USH2A: variants seen among roughly 807,000 people sequenced by gnomAD.
The protein encoded by USH2A is Usher syndrome 2A (autosomal recessive, mild).
In USH2A, 443 loss-of-function variants were observed where a neutral mutation model predicts 538.9. The ratio of observed to expected loss-of-function variants is 0.82; its 90% confidence interval spans 0.76 to 0.89. The LOEUF is 0.89. Among genes scored for constraint, USH2A ranks in the 40% least tolerant of loss-of-function variants. The probability of loss-of-function intolerance (pLI) is 0.00; values close to 1 mark genes in which losing one functional copy is unlikely to be tolerated. For missense variants in USH2A, 6,633 were observed against 6,324.8 expected (o/e 1.05, Z -1.65); for synonymous variants, 2,413 against 2,273.5 (o/e 1.06, Z -1.75).
At chr1:216,346,837 A>C (rs967260300) in intron 4 of USH2A, among the ~76,000 whole-genome samples, 2 of 151,916 alleles carry the variant, frequency 1.3e-5, no homozygotes, top group South Asian at 2.1e-4. Flanking sequence ...AAAATGAAAA[A>C]TCTTACTGGA....
Position 215,752,232 on chromosome 1 carries a change from G to A in USH2A, c.11389+6363C>T, listed in dbSNP as rs946882198. On this transcript the variant is annotated intron_variant, in intron 58 of 71. Coordinates refer to ENST00000307340, the MANE Select transcript of USH2A (RefSeq NM_206933.4). ...TACATTTGACTGCATAATAAATTGT[G>A]GAGGCTCGCTCACCATTGTGTTCCT... Among the ~76,000 whole-genome samples, 5 of 152,198 alleles carry A rather than the reference G, an allele frequency of 3.3e-5. No homozygotes were observed. The South Asian group carries it at 1.0e-3, about 32-fold the overall frequency.
intron 49 of USH2A, among the ~76,000 whole-genome samples, chr1:215,811,107 T>C (rs1024333411): frequency 1.3e-5 from 2 of 152,212 alleles, no homozygotes; most frequent in East Asian, 3.9e-4. Flanking sequence ...ACCAATTCCA[T>C]CTTGCTTCTA....
At chr1:216,144,990 G>T (rs1268619923) in intron 21 of USH2A, among the ~76,000 whole-genome samples, 2 of 152,062 alleles carry the variant, frequency 1.3e-5, no homozygotes, top group African/African-American at 4.8e-5. Context: ...GTAACTCAAG[G>T]CTAGGCAAGA....
chr1:215,672,019 A>G (rs1657833500), intron 63 of USH2A, among the ~76,000 whole-genome samples: 1 of 152,134 alleles, frequency 6.6e-6, no homozygotes, highest in African/African-American at 2.4e-5. Context: ...TCATGAAGAC[A>G]CCTTATCACC....
intron 3 of USH2A, among the ~76,000 whole-genome samples, chr1:216,406,590 G>C (rs572779332): frequency 6.6e-6 from 1 of 152,156 alleles, no homozygotes; most frequent in East Asian, 1.9e-4. Flanking sequence ...AAGTGTATGG[G>C]GTCTTGTGTT....
chr1:216,231,270 A>AT (rs1330216611), intron 14 of USH2A, among the ~76,000 whole-genome samples: 13 of 115,236 alleles, frequency 1.1e-4, no homozygotes, highest in South Asian at 2.7e-4. Context: ...ATATATATAT[A>AT]TAATATATAT....
intron 61 of USH2A, among the ~76,000 whole-genome samples, chr1:215,708,511 G>A (rs779741849): frequency 2.8e-4 from 43 of 152,178 alleles, no homozygotes; most frequent in Admixed American, 1.5e-3. Context: ...CCAGGGATCC[G>A]TTTCATGGAA....
At chr1:216,250,075 C>G (rs1209435831) in intron 12 of USH2A, among the ~76,000 whole-genome samples, 1 of 152,142 alleles carries the variant, frequency 6.6e-6, no homozygotes. Flanking sequence ...CATCAGGAAA[C>G]TTTCCTCTCA....
chr1:216,010,370 G>A (rs1668529891), intron 32 of USH2A, among the ~76,000 whole-genome samples: 1 of 152,088 alleles, frequency 6.6e-6, no homozygotes, highest in African/African-American at 2.4e-5. Context: ...GACCCCACTG[G>A]AAATCGGACT....
At chr1:216,038,983 A>T (rs1419926137) in intron 32 of USH2A, among the ~76,000 whole-genome samples, 1 of 152,022 alleles carries the variant, frequency 6.6e-6, no homozygotes, top group Non-Finnish European at 1.5e-5. Context: ...CAGATCATAT[A>T]ATATTTGGGT....
At chr1:216,026,343 C>G (rs1438471570) in intron 32 of USH2A, among the ~76,000 whole-genome samples, 2 of 152,048 alleles carry the variant, frequency 1.3e-5, no homozygotes, top group Non-Finnish European at 2.9e-5. Context: ...ATAATCAAAA[C>G]ATGTATTTGT....
At position 216,097,065 on chromosome 1, in the gene USH2A, T is replaced by C. The variant is rs1271830792; in HGVS notation, c.4758+18A>G. ...ACTAAATTCTTAAAAATATTAAAGTTTATGATTTCTCATTTACCTGAGGAT... is the reference window on the plus strand; with the variant it reads ...ACTAAATTCTTAAAAATATTAAAGTCTATGATTTCTCATTTACCTGAGGAT... On this transcript the variant is annotated intron_variant, in intron 22 of 71. Transcript: ENST00000307340. 1 of 1,609,186 alleles carries C rather than the reference T, an allele frequency of 6.2e-7. No individual in the cohort carries two copies.
chr1:215,969,682 G>A (rs1039576970), intron 36 of USH2A, among the ~76,000 whole-genome samples: 3 of 152,078 alleles, frequency 2.0e-5, no homozygotes, highest in African/African-American at 7.2e-5. Context: ...TCCGCCGATG[G>A]ATGGTGTTAG....
intron 49 of USH2A, among the ~76,000 whole-genome samples, chr1:215,801,708 G>T (rs1353100392): frequency 2.0e-5 from 3 of 152,080 alleles, no homozygotes; most frequent in Non-Finnish European, 2.9e-5. Flanking sequence ...CTGCTCAAGT[G>T]ATCTACAGAA....
intron 64 of USH2A, among the ~76,000 whole-genome samples, chr1:215,665,452 A>C (rs1657576681): frequency 1.3e-5 from 2 of 152,240 alleles, no homozygotes; most frequent in African/African-American, 4.8e-5. Context: ...AGTCACTGAC[A>C]GCATGAATCA....
Position 215,741,373 on chromosome 1 carries a change from A to T in USH2A, c.11711+2T>A. Reference sequence around the variant, plus strand: ...AAAAATAATAGTAACAGCCAATCTTACCTGTAAATAAAGTAGTTGATGATG... The same window carrying T: ...AAAAATAATAGTAACAGCCAATCTTTCCTGTAAATAAAGTAGTTGATGATG... On this transcript the variant is annotated splice_donor_variant, in intron 60 of 71. Transcript: ENST00000307340. LOFTEE classifies it high-confidence loss of function. The T allele has an allele frequency of 1.2e-6, 2 of 1,614,070 alleles. No homozygotes were observed.
chr1:216,180,282 T>G (rs1288842578), intron 20 of USH2A, among the ~76,000 whole-genome samples: 1 of 152,122 alleles, frequency 6.6e-6, no homozygotes, highest in Middle Eastern at 3.2e-3. Context: ...AAAATGAATG[T>G]TCATTATCCA....
chr1:215,735,524 A>T (rs1660131257), intron 60 of USH2A, among the ~76,000 whole-genome samples: 1 of 152,194 alleles, frequency 6.6e-6, no homozygotes, highest in Non-Finnish European at 1.5e-5. Context: ...ATCTGGGCTC[A>T]CAAATTTATT....
rs143903097 is a variant in USH2A at position 215,760,791 on chromosome 1, C to T, written c.11048-948G>A. Among the ~76,000 whole-genome samples, 88 of 152,268 alleles carry T rather than the reference C, an allele frequency of 5.8e-4. 1 individual carries two copies. The East Asian group carries it at 0.016, about 27-fold the overall frequency. ...GTATACTTTCCTGTATCTTTACTTT[C>T]ACTTCTCCTGGTCCAAGCCACGTTT... On this transcript the variant is annotated intron_variant, in intron 56 of 71. Transcript: ENST00000307340.
Sources: allele counts gnomAD v4.1 joint callset (sites outside exome capture counted in the v4.1 genomes callset), GRCh38; gene constraint gnomAD v4.1.1; transcripts MANE v1.5; gene names NCBI Gene and HGNC (gene_info 2026-07-23, HGNC 2026-07-21).